The following CDC73 variants were observed in gnomAD, a reference collection of about 807,000 sequenced individuals.
CDC73 encodes the protein cell division cycle 73.
In CDC73, 21 loss-of-function variants were observed where a neutral mutation model predicts 83.7. That is an observed-to-expected ratio of 0.25 (90% confidence interval 0.18 to 0.36). The LOEUF (loss-of-function observed/expected upper bound fraction) is 0.36. Among genes scored for constraint, CDC73 ranks in the 10% least tolerant of loss-of-function variants. The probability of loss-of-function intolerance (pLI) is 1.00; values close to 1 mark genes in which losing one functional copy is unlikely to be tolerated. For missense variants in CDC73, 342 were observed against 653.3 expected, an observed-to-expected ratio of 0.52 and a Z score of 5.19; for synonymous variants, 224 against 212.9, an observed-to-expected ratio of 1.05 and a Z score of -0.45.
At chr1:193,207,130 G>T (rs1222744485) in intron 11 of CDC73, among the ~76,000 whole-genome samples, 2 of 152,102 alleles carry the variant, frequency 1.3e-5, no homozygotes, top group Non-Finnish European at 2.9e-5. Flanking sequence ...ATCACATATT[G>T]GTAGGTCTGT....
intron 10 of CDC73, among the ~76,000 whole-genome samples, chr1:193,195,928 A>G (rs1053875135): frequency 2.6e-5 from 4 of 152,106 alleles, no homozygotes; most frequent in African/African-American, 9.7e-5. Context: ...GTGACTTGCA[A>G]ATATTTTTTC....
At chr1:193,222,456 G>GGA (rs1677488830) in intron 13 of CDC73, among the ~76,000 whole-genome samples, 1 of 152,160 alleles carries the variant, frequency 6.6e-6, no homozygotes, top group African/African-American at 2.4e-5. Flanking sequence ...AAATGATCTA[G>GGA]CCACTTTGGA....
chr1:193,210,139 A>C (rs1454637566), intron 11 of CDC73, among the ~76,000 whole-genome samples: 1 of 152,212 alleles, frequency 6.6e-6, no homozygotes, highest in African/African-American at 2.4e-5. Flanking sequence ...TGTAATAGTA[A>C]AGGCATATGT....
chr1:193,203,907 A>C, intron 11 of CDC73, 55 bp downstream of exon 11: 1 of 1,371,022 alleles, frequency 7.3e-7, no homozygotes, highest in Non-Finnish European at 1.0e-6. Context: ...TAACAGTGCA[A>C]GTTTTTAGTA....
At chr1:193,177,224 A>C (rs1268525601) in intron 10 of CDC73, among the ~76,000 whole-genome samples, 1 of 151,750 alleles carries the variant, frequency 6.6e-6, no homozygotes, top group Non-Finnish European at 1.5e-5. Flanking sequence ...CAGTGTAATG[A>C]TTAAGAACAT....
At chr1:193,163,146 T>TG (rs1216029978) in intron 10 of CDC73, among the ~76,000 whole-genome samples, 45 of 92,424 alleles carry the variant, frequency 4.9e-4, no homozygotes, top group South Asian at 1.3e-3. Context: ...AAGAACTTTG[T>TG]GGGGTTGTGT....
chr1:193,242,276 G>A (rs569153808), intron 15 of CDC73, among the ~76,000 whole-genome samples: 1 of 152,184 alleles, frequency 6.6e-6, no homozygotes, highest in Admixed American at 6.5e-5. Context: ...CCTATCTGGA[G>A]CATCTTGTGG....
At chr1:193,242,692 GA>G (rs1677882769) in intron 15 of CDC73, among the ~76,000 whole-genome samples, 1 of 151,950 alleles carries the variant, frequency 6.6e-6, no homozygotes, top group Non-Finnish European at 1.5e-5. Context: ...AGCTACCATT[GA>G]AAAAATATTT....
intron 13 of CDC73, among the ~76,000 whole-genome samples, chr1:193,224,215 T>C (rs924448093): frequency 6.6e-6 from 1 of 150,708 alleles, no homozygotes; most frequent in Non-Finnish European, 1.5e-5. Context: ...TGTTTACTTG[T>C]TTTTTTTTGG....
chr1:193,205,205 C>CA (rs978543815), intron 11 of CDC73, among the ~76,000 whole-genome samples: 1 of 123,540 alleles, frequency 8.1e-6, no homozygotes, highest in East Asian at 2.3e-4. Context: ...TCCCCCCCCC[C>CA]CCCTTTTTTT....
At chr1:193,142,541 T>A (rs1675923744) in intron 7 of CDC73, among the ~76,000 whole-genome samples, 1 of 152,188 alleles carries the variant, frequency 6.6e-6, no homozygotes, top group South Asian at 2.1e-4. Context: ...AGCTCCCTAT[T>A]AATGGAAATT....
At chr1:193,181,982 C>G (rs756145288) in intron 10 of CDC73, among the ~76,000 whole-genome samples, 2 of 152,138 alleles carry the variant, frequency 1.3e-5, no homozygotes, top group Non-Finnish European at 2.9e-5. Context: ...TGAATGTATT[C>G]GAGAAAAATG....
At chr1:193,185,058 A>G (rs945740716) in intron 10 of CDC73, among the ~76,000 whole-genome samples, 2 of 152,168 alleles carry the variant, frequency 1.3e-5, no homozygotes, top group Admixed American at 1.3e-4. Flanking sequence ...GCACACACAT[A>G]TAGTGGCGGT....
Position 193,251,865 on chromosome 1 carries a change from G to C in CDC73, c.*1153G>C. On this transcript the variant is annotated 3_prime_UTR_variant, in exon 17 of 17. Transcript: ENST00000367435. ...CTTTGTTTTTTTTTTTTCCTTAAAG[G>C]CAACTAGGAAGCTTTACTTTCCTAA... The C allele has an allele frequency of 4.3e-6, 1 of 230,604 alleles. No homozygotes were observed. Among genetic ancestry groups the C allele is most frequent in the Non-Finnish European group, 8.6e-6 (1 of 116,794 alleles). 14.3% of individuals were successfully genotyped at this position (230,604 alleles called of 1,614,324 possible).
chr1:193,217,042 C>A (rs562049416), intron 13 of CDC73, among the ~76,000 whole-genome samples: 26 of 152,230 alleles, frequency 1.7e-4, no homozygotes, highest in African/African-American at 5.8e-4. Context: ...CCAAGGATGT[C>A]CACTCTCACC....
intron 10 of CDC73, among the ~76,000 whole-genome samples, chr1:193,188,465 T>C (rs1676858637): frequency 2.0e-5 from 3 of 151,980 alleles, no homozygotes; most frequent in South Asian, 2.1e-4. Context: ...TTCTGAACAC[T>C]GGCGCAGCAT....
chr1:193,130,474 A>T (rs1675675667), intron 3 of CDC73, among the ~76,000 whole-genome samples: 1 of 152,120 alleles, frequency 6.6e-6, no homozygotes, highest in South Asian at 2.1e-4. Flanking sequence ...AGTCTCAAAG[A>T]CTTTGTCTTC....
At chr1:193,225,237 T>A (rs1043028737) in intron 13 of CDC73, among the ~76,000 whole-genome samples, 2 of 108,888 alleles carry the variant, frequency 1.8e-5, no homozygotes, top group Non-Finnish European at 3.8e-5. Flanking sequence ...GGCTGAGTAG[T>A]ATTCCATGAT....
chr1:193,147,598 G>C (rs1373240084), intron 7 of CDC73, among the ~76,000 whole-genome samples: 1 of 152,060 alleles, frequency 6.6e-6, no homozygotes, highest in Non-Finnish European at 1.5e-5. Flanking sequence ...TCCATCTCCT[G>C]ACCTCGTGAT....
Sources: gnomAD v4.1 joint callset for allele counts (sites outside exome capture counted in the v4.1 genomes callset) on GRCh38, gnomAD v4.1.1 for gene constraint, MANE v1.5 for transcripts, NCBI Gene and HGNC (gene_info 2026-07-23, HGNC 2026-07-21) for gene names.